The following BBS9 variants were observed in gnomAD, a reference collection of about 807,000 sequenced individuals.
BBS9 encodes protein PTHB1.
Under a neutral mutation model 117.7 loss-of-function variants are expected in BBS9, and 89 were observed. That is an observed-to-expected ratio of 0.76 (90% CI 0.64 to 0.90). The LOEUF is 0.90. Among genes scored for constraint, BBS9 ranks in the 40% least tolerant of loss-of-function variants. The pLI is 0.00. For missense variants in BBS9, 982 were observed against 1,042.2 expected, an observed-to-expected ratio of 0.94 and a Z score of 0.80; for synonymous variants, 379 against 370.9, an observed-to-expected ratio of 1.02 and a Z score of -0.25.
At position 33,388,146 on chromosome 7, in the gene BBS9, T is replaced by A; in HGVS notation, c.2115+2T>A. The stretch of plus-strand genomic sequence containing the variant: ...TTGTTAGATGGAACCTACAAGCAGG[T>A]CAGTATAATATCAGTAACAGTTTTC... On this transcript the variant is annotated splice_donor_variant, in intron 19 of 22. Coordinates refer to ENST00000242067, the MANE Select transcript of BBS9 (RefSeq NM_198428.3). LOFTEE classifies it high-confidence loss of function. The A allele has an allele frequency of 6.2e-7, 1 of 1,614,028 alleles. No individual in the cohort carries two copies. The highest frequency in any genetic ancestry group is 8.5e-7 in the Non-Finnish European group (1 of 1,179,880).
chr7:33,393,420 A>C (rs1184523350), intron 19 of BBS9, among the ~76,000 whole-genome samples: 1 of 152,162 alleles, frequency 6.6e-6, no homozygotes, highest in Admixed American at 6.5e-5. Flanking sequence ...TTAATGCTCT[A>C]TAGTAGCCAT....
intron 19 of BBS9, among the ~76,000 whole-genome samples, chr7:33,436,797 A>G (rs920439062): frequency 6.6e-6 from 1 of 152,344 alleles, no homozygotes; most frequent in East Asian, 1.9e-4. Flanking sequence ...TGATATCCCT[A>G]AATGTTAGTA....
chr7:33,221,322 A>G (rs1790206525), intron 5 of BBS9, among the ~76,000 whole-genome samples: 1 of 152,204 alleles, frequency 6.6e-6, no homozygotes, highest in Non-Finnish European at 1.5e-5. Flanking sequence ...TCTGTTCCAG[A>G]CATAGAGCAA....
chr7:33,339,644 A>G (rs1055238756), intron 10 of BBS9, among the ~76,000 whole-genome samples: 6 of 152,284 alleles, frequency 3.9e-5, no homozygotes, highest in Middle Eastern at 6.8e-3. Context: ...TGTTATGTGC[A>G]GATATGATTT....
chr7:33,159,017 CAT>C (rs1794469493), intron 4 of BBS9, among the ~76,000 whole-genome samples: 1 of 151,998 alleles, frequency 6.6e-6, no homozygotes, highest in Non-Finnish European at 1.5e-5. Flanking sequence ...CTTATTTGAA[CAT>C]AGTTTGAACA....
chr7:33,496,271 C>T (rs554689797), intron 19 of BBS9, among the ~76,000 whole-genome samples: 43 of 151,886 alleles, frequency 2.8e-4, no homozygotes, highest in Non-Finnish European at 4.6e-4. Flanking sequence ...TTTGAGAGGC[C>T]GAGGTGGGCA....
At chr7:33,593,280 C>G (rs913435041) in intron 21 of BBS9, among the ~76,000 whole-genome samples, 2 of 152,112 alleles carry the variant, frequency 1.3e-5, no homozygotes, top group Non-Finnish European at 2.9e-5. Flanking sequence ...TTCTTTTCCT[C>G]CCCACCTTCT....
At chr7:33,346,858 T>C (rs1200591801) in intron 12 of BBS9, among the ~76,000 whole-genome samples, 2 of 152,222 alleles carry the variant, frequency 1.3e-5, no homozygotes. Flanking sequence ...CATTTTTACT[T>C]AAAACTGAGT....
intron 19 of BBS9, among the ~76,000 whole-genome samples, chr7:33,448,142 T>C (rs1327331816): frequency 6.6e-6 from 1 of 152,184 alleles, no homozygotes; most frequent in Non-Finnish European, 1.5e-5. Context: ...CCGCTAGTTT[T>C]CCGGACTCTG....
At position 33,562,927 on chromosome 7, in the gene BBS9, G is replaced by GA. The variant is rs958282280; in HGVS notation, c.2521+28760dup. ...GACAAAGCAAGACTCCATCTCAAAA[G>GA]AAAAAAAAAGAAAAAGAGAAAGGAG... On this transcript the variant is annotated intron_variant, in intron 21 of 22. Transcript: ENST00000242067. Among the ~76,000 whole-genome samples the GA allele has an allele frequency of 2.0e-4, 29 of 147,822 alleles. No homozygotes were observed. In the East Asian group the frequency reaches 5.0e-3, roughly 25 times the overall value.
chr7:33,284,278 C>A (rs148126908), intron 9 of BBS9, among the ~76,000 whole-genome samples: 1 of 151,970 alleles, frequency 6.6e-6, no homozygotes, highest in South Asian at 2.1e-4. Context: ...ATTCAATTTC[C>A]TTTTTTTGGG....
At chr7:33,359,394 T>A (rs1368283857) in intron 16 of BBS9, among the ~76,000 whole-genome samples, 1 of 152,046 alleles carries the variant, frequency 6.6e-6, no homozygotes, top group African/African-American at 2.4e-5. Context: ...AATTGTATAG[T>A]GTGTACTAAA....
At chr7:33,467,509 T>G (rs987352747) in intron 19 of BBS9, among the ~76,000 whole-genome samples, 5 of 152,044 alleles carry the variant, frequency 3.3e-5, no homozygotes, top group Admixed American at 1.3e-4. Flanking sequence ...AATTGGCCTG[T>G]TTTTCGCTAA....
intron 20 of BBS9, among the ~76,000 whole-genome samples, chr7:33,516,796 G>T (rs992589845): frequency 6.6e-6 from 1 of 152,168 alleles, no homozygotes; most frequent in Admixed American, 6.5e-5. Context: ...TTTAAATTTG[G>T]TCTATTGCCT....
intron 19 of BBS9, among the ~76,000 whole-genome samples, chr7:33,403,589 G>C (rs370675644): frequency 2.0e-5 from 3 of 150,672 alleles, no homozygotes; most frequent in Non-Finnish European, 4.4e-5. Context: ...CCTTGCGATA[G>C]TTTACTGAGA....
At chr7:33,248,336 T>C (rs1221044580) in intron 5 of BBS9, among the ~76,000 whole-genome samples, 1 of 152,184 alleles carries the variant, frequency 6.6e-6, no homozygotes, top group Non-Finnish European at 1.5e-5. Context: ...TAATTGGATA[T>C]TGCATTATTA....
chr7:33,339,460 A>C (rs757495846), intron 10 of BBS9, among the ~76,000 whole-genome samples: 113 of 152,322 alleles, frequency 7.4e-4, no homozygotes, highest in Non-Finnish European at 4.7e-4. Context: ...TTGTACTCTC[A>C]TTAAGTTATG....
intron 20 of BBS9, among the ~76,000 whole-genome samples, chr7:33,507,225 T>G (rs1371637452): frequency 1.3e-5 from 2 of 152,116 alleles, no homozygotes; most frequent in Admixed American, 1.3e-4. Context: ...AAGATCAGTT[T>G]TTTTGTTTGT....
At chr7:33,538,154 G>A (rs563191141) in intron 21 of BBS9, among the ~76,000 whole-genome samples, 3 of 152,284 alleles carry the variant, frequency 2.0e-5, no homozygotes, top group African/African-American at 7.2e-5. Flanking sequence ...GTCATAATGG[G>A]CCGTAGCTTC....
Sources: allele counts gnomAD v4.1 joint callset (sites outside exome capture counted in the v4.1 genomes callset), GRCh38; gene constraint gnomAD v4.1.1; transcripts MANE v1.5; gene names NCBI Gene and HGNC (gene_info 2026-07-23, HGNC 2026-07-21).